The following IDH3A variants were observed in gnomAD, a reference collection of about 807,000 sequenced individuals.
IDH3A encodes the protein isocitrate dehydrogenase (NAD(+)) 3 catalytic subunit alpha.
A neutral mutation model predicts 43.3 loss-of-function variants in IDH3A; 23 were observed. That is an observed-to-expected ratio of 0.53 (90% CI 0.38 to 0.75). IDH3A has a LOEUF of 0.75. IDH3A is among the 30% of genes least tolerant of loss of function. IDH3A has a pLI of 0.00. For synonymous variants in IDH3A, 154 were observed against 163.5 expected (o/e 0.94, Z 0.44); for missense variants, 329 against 474.4 (o/e 0.69, Z 2.85).
chr15:78,155,602 C>A (rs1030708405), intron 2 of IDH3A: 8 of 199,218 alleles, frequency 4.0e-5, no homozygotes, highest in African/African-American at 1.9e-4. Flanking sequence ...AAAACTAGTA[C>A]AAGTTGAGAG....
Position 78,161,539 on chromosome 15 carries a change from G to T in IDH3A, c.290-42G>T, listed in dbSNP as rs755561108. ...GGTTAGTAGGTCACACGTGAGACCAGAATTCCTTCTAGTGTCATCTGGGTT... is the reference window on the plus strand; with the variant it reads ...GGTTAGTAGGTCACACGTGAGACCATAATTCCTTCTAGTGTCATCTGGGTT... On this transcript the variant is annotated intron_variant, in intron 4 of 10. Transcript: ENST00000299518. This position sits in a 1 kb window ranked among gnomAD's most constrained non-coding sequence, Gnocchi z 4.8. 6.4e-7 allele frequency: 1 copy of T among 1,567,146 alleles called. No homozygotes were observed. The highest frequency in any genetic ancestry group is 8.7e-7 in the Non-Finnish European group (1 of 1,148,764).
chr15:78,151,579 A>G (rs201297489), intron 1 of IDH3A: 1 of 148,142 alleles, frequency 6.8e-6, no homozygotes, highest in African/African-American at 2.5e-5. Context: ...AAAAAAAAAG[A>G]TTTTTTTTTT....
intron 1 of IDH3A, chr15:78,151,635 A>G (rs1339547541): frequency 6.6e-6 from 1 of 151,846 alleles, no homozygotes; most frequent in Non-Finnish European, 1.5e-5. Flanking sequence ...ACATGTTTTT[A>G]AGTTAAAAAG....
intron 1 of IDH3A, among the ~76,000 whole-genome samples, chr15:78,152,132 C>T (rs1404479482): frequency 6.9e-6 from 1 of 145,696 alleles, no homozygotes; most frequent in African/African-American, 2.6e-5. Flanking sequence ...GATCTTGGCT[C>T]ACTGCAACCT....
Position 78,162,459 on chromosome 15 carries a change from G to T in IDH3A, c.611+92G>T, listed in dbSNP as rs796934818. On this transcript the variant is annotated intron_variant, in intron 6 of 10. Coordinates refer to ENST00000299518, the MANE Select transcript of IDH3A (RefSeq NM_005530.3). The stretch of plus-strand genomic sequence containing the variant: ...CTTTCTCCTCTTCAGCTTGTTCCTT[G>T]ATTCCTAATATCTTTGAAAAAGAAC... 6.6e-6 allele frequency: 9 copies of T among 1,362,018 alleles called. No individual in the cohort carries two copies. In the African/African-American group the frequency reaches 1.2e-4, roughly 17 times the overall value. 84.4% of individuals were successfully genotyped at this position (1,362,018 alleles called of 1,614,324 possible).
At chr15:78,149,632 G>A (rs1367389640) in intron 1 of IDH3A, among the ~76,000 whole-genome samples, 1 of 152,214 alleles carries the variant, frequency 6.6e-6, no homozygotes, top group African/African-American at 2.4e-5. Context: ...GCCCCGGGCC[G>A]GGTCAGCAGC....
At position 78,169,563 on chromosome 15, in the gene IDH3A, T is replaced by G. The variant is rs541997243; in HGVS notation, c.*558T>G. 6.6e-6 allele frequency: 1 copy of G among 152,324 alleles called. No homozygotes were observed. The highest frequency in any genetic ancestry group is 2.1e-4 in the South Asian group (1 of 4,830). 9.4% of individuals were successfully genotyped at this position (152,324 alleles called of 1,614,324 possible). On this transcript the variant is annotated 3_prime_UTR_variant, in exon 11 of 11. Coordinates refer to ENST00000299518, the MANE Select transcript of IDH3A (RefSeq NM_005530.3). ...ATGGAAAATAGAGACAGATTTGTCC[T>G]TTACAGAAATTACTGAGTGTGAATA...
At chr15:78,149,456 GC>G (rs1159205896) in intron 1 of IDH3A, 26 bp downstream of exon 1, 4 of 1,516,222 alleles carry the variant, frequency 2.6e-6, no homozygotes, top group Non-Finnish European at 3.5e-6. Flanking sequence ...CCGGCGTGTG[GC>G]AGGCAGGCAG....
chr15:78,166,479 A>G (rs192287059), intron 10 of IDH3A, 177 bp downstream of exon 10: 10 of 667,050 alleles, frequency 1.5e-5, no homozygotes, highest in Middle Eastern at 2.6e-4. Flanking sequence ...ACATGTGTGC[A>G]TTTTCTGAGG....
rs116000104 is a variant in IDH3A, at chr15:78,152,664, G to C, written c.28-2549G>C. Among the ~76,000 whole-genome samples the C allele has an allele frequency of 3.9e-3, 594 of 152,144 alleles. 3 individuals carry two copies. Among genetic ancestry groups the C allele is most frequent in the African/African-American group, 0.013 (555 of 41,534 alleles). On this transcript the variant is annotated intron_variant, in intron 1 of 10. Coordinates refer to ENST00000299518, the MANE Select transcript of IDH3A (RefSeq NM_005530.3). ...CGTGAGCCACCGCATCCGGCCTCAT[G>C]TCACTTTTATGCTCTGCTTGTCACG...
At chr15:78,164,958 A>G (rs754705530) in intron 8 of IDH3A, 34 bp from the exon 9 acceptor site, 3 of 1,557,114 alleles carry the variant, frequency 1.9e-6, no homozygotes, top group Middle Eastern at 1.7e-4. Context: ...TTTTATTTTT[A>G]AAAACATTCT....
At chr15:78,158,737 C>T (rs1484508191) in intron 3 of IDH3A, among the ~76,000 whole-genome samples, 1 of 149,856 alleles carries the variant, frequency 6.7e-6, no homozygotes, top group Non-Finnish European at 1.5e-5. Context: ...TTGGCCTCTG[C>T]ACCGGGCCTG....
Position 78,170,046 on chromosome 15 carries a change from A to G in IDH3A, c.*1041A>G, listed in dbSNP as rs879209125. 2 of 152,362 alleles carry G rather than the reference A, an allele frequency of 1.3e-5. No individual in the cohort carries two copies. The highest frequency in any genetic ancestry group is 4.1e-4 in the South Asian group (2 of 4,826). The allele number at this position is 152,362 out of a possible 1,614,324, so 9.4% of individuals were successfully genotyped here. Reference sequence around the variant, plus strand: ...TGCCCTCTGCCTCAGCAGTACCAGTATAAGATGACATTCCAAAGACTGGAG... The same window carrying G: ...TGCCCTCTGCCTCAGCAGTACCAGTGTAAGATGACATTCCAAAGACTGGAG... On this transcript the variant is annotated 3_prime_UTR_variant, in exon 11 of 11. Coordinates refer to ENST00000299518, the MANE Select transcript of IDH3A (RefSeq NM_005530.3).
intron 1 of IDH3A, chr15:78,150,971 T>C (rs765191034): frequency 6.6e-6 from 1 of 152,248 alleles, no homozygotes; most frequent in Non-Finnish European, 1.5e-5. Context: ...GTAGGTACAT[T>C]TGCCTTCACA....
At chr15:78,153,966 C>T (rs2074601465) in intron 1 of IDH3A, among the ~76,000 whole-genome samples, 1 of 151,796 alleles carries the variant, frequency 6.6e-6, no homozygotes, top group Non-Finnish European at 1.5e-5. Context: ...GCCGAGATTG[C>T]ACCATTGCAC....
At chr15:78,163,820 T>A in intron 8 of IDH3A, 40 bp downstream of exon 8, 1 of 1,292,252 alleles carries the variant, frequency 7.7e-7, no homozygotes, top group Non-Finnish European at 1.1e-6. Context: ...GCCTATGATT[T>A]ACTTATAAAC....
intron 1 of IDH3A, among the ~76,000 whole-genome samples, chr15:78,154,024 T>A (rs1044001181): frequency 4.0e-4 from 61 of 151,864 alleles, no homozygotes; most frequent in Admixed American, 3.3e-4. Context: ...AAAAAAAAAA[T>A]TTAATGCATT....
At chr15:78,156,541 T>C (rs2074624896) in intron 2 of IDH3A, among the ~76,000 whole-genome samples, 1 of 152,202 alleles carries the variant, frequency 6.6e-6, no homozygotes, top group South Asian at 2.1e-4. Context: ...TCTTCAGTTG[T>C]ACAGAAACTA....
chr15:78,155,552 T>C (rs1316807181), intron 2 of IDH3A: 1 of 237,614 alleles, frequency 4.2e-6, no homozygotes, highest in East Asian at 8.5e-5. Flanking sequence ...GAGCCTGTTA[T>C]TTTATTTCAC....
Sources: gnomAD v4.1 joint callset for allele counts (sites outside exome capture counted in the v4.1 genomes callset) on GRCh38, gnomAD v4.1.1 for gene constraint, Gnocchi (gnomAD v3.1) non-coding constraint, MANE v1.5 for transcripts, NCBI Gene and HGNC (gene_info 2026-07-23, HGNC 2026-07-21) for gene names.